NRAP: variants seen among roughly 807,000 people sequenced by gnomAD.
NRAP encodes the protein nebulin related anchoring protein, also known as nebulin-related-anchoring protein.
In NRAP, 189 loss-of-function variants were observed where a neutral mutation model predicts 225.9. The observed-to-expected ratio is 0.84, with a 90% CI of 0.74 to 0.94. NRAP has a LOEUF of 0.94. Ranked by LOEUF, NRAP falls within the 40% of genes least tolerant of loss-of-function variation. The pLI is 0.00. For missense variants in NRAP, 2,176 were observed against 2,168.7 expected, an observed-to-expected ratio of 1.00 and a Z score of -0.07; for synonymous variants, 769 against 790.7, an observed-to-expected ratio of 0.97 and a Z score of 0.46.
At chr10:113,659,636 G>A (rs933218684) in intron 3 of NRAP, among the ~76,000 whole-genome samples, 5 of 151,998 alleles carry the variant, frequency 3.3e-5, no homozygotes, top group African/African-American at 9.7e-5. Context: ...AAGCATGAAG[G>A]GCTAAATTTC....
chr10:113,661,981 C>A (rs1162350746), intron 3 of NRAP, among the ~76,000 whole-genome samples: 2 of 152,198 alleles, frequency 1.3e-5, no homozygotes, highest in Admixed American at 1.3e-4. Context: ...CTAGTATATG[C>A]AGAGCCTACT....
intron 35 of NRAP, among the ~76,000 whole-genome samples, chr10:113,602,727 G>C (rs944725372): frequency 2.6e-5 from 4 of 152,230 alleles, no homozygotes; most frequent in Non-Finnish European, 4.4e-5. Flanking sequence ...AAGGCAACCA[G>C]AATTGAGGGG....
At chr10:113,619,878 C>G (rs1254210414) in intron 25 of NRAP, among the ~76,000 whole-genome samples, 2 of 152,144 alleles carry the variant, frequency 1.3e-5, no homozygotes, top group African/African-American at 4.8e-5. Context: ...ATTCTGCTTC[C>G]TGGGGGGCTT....
chr10:113,614,419 T>C, intron 28 of NRAP, 123 bp from the exon 29 acceptor site: 1 of 708,618 alleles, frequency 1.4e-6, no homozygotes, highest in Non-Finnish European at 2.5e-6. Context: ...TAAAAGAAAA[T>C]GCGCGGGAGT....
chr10:113,624,774 G>T, intron 22 of NRAP, 52 bp downstream of exon 22: 1 of 1,292,776 alleles, frequency 7.7e-7, no homozygotes, highest in Non-Finnish European at 1.1e-6. Flanking sequence ...TTACCAGGTG[G>T]CTATACACAA....
intron 29 of NRAP, 32 bp downstream of exon 29, chr10:113,614,151 C>T: frequency 1.4e-6 from 2 of 1,439,200 alleles, no homozygotes; most frequent in Non-Finnish European, 2.0e-6. Flanking sequence ...GGTGGGGGCC[C>T]TGCAGCCGCT....
At position 113,613,019 on chromosome 10, in the gene NRAP, TA is replaced by T. The variant is rs146862124; in HGVS notation, c.3301-589del. ...ACCCATTCCAGACCATAGATTCGACTATAGTCCTTGGAGGAGCTGTGTTTAA... is the reference window on the plus strand; with the variant it reads ...ACCCATTCCAGACCATAGATTCGACTTAGTCCTTGGAGGAGCTGTGTTTAA... On this transcript the variant is annotated intron_variant, in intron 29 of 41. Coordinates refer to ENST00000359988, the MANE Select transcript of NRAP (RefSeq NM_198060.4). Among the ~76,000 whole-genome samples the T allele has an allele frequency of 9.7e-3, 1,482 of 152,312 alleles. 8 individuals carry two copies. The highest frequency in any genetic ancestry group is 0.016 in the Non-Finnish European group (1,085 of 68,034).
At chr10:113,641,344 C>A (rs1849190631) in intron 13 of NRAP, 21 bp downstream of exon 13, 5 of 1,496,660 alleles carry the variant, frequency 3.3e-6, no homozygotes, top group South Asian at 2.3e-5. Context: ...TCCCAACAGA[C>A]CCTGGCATAA....
At chr10:113,595,060 C>T (rs1420487760) in intron 38 of NRAP, among the ~76,000 whole-genome samples, 1 of 152,206 alleles carries the variant, frequency 6.6e-6, no homozygotes, top group Non-Finnish European at 1.5e-5. Context: ...TAACAACAAG[C>T]CTGGGTTTAG....
At chr10:113,633,011 G>T in intron 16 of NRAP, 73 bp downstream of exon 16, 2 of 829,094 alleles carry the variant, frequency 2.4e-6, no homozygotes, top group Non-Finnish European at 4.3e-6. Flanking sequence ...CCCACTTGCT[G>T]GACCATCCTG....
At chr10:113,606,073 A>T in intron 33 of NRAP, 105 bp downstream of exon 33, 1 of 915,106 alleles carries the variant, frequency 1.1e-6, no homozygotes, top group Non-Finnish European at 1.8e-6. Context: ...TACACATTTT[A>T]AAAAGCTTCT....
At chr10:113,659,219 C>T (rs1850509317) in intron 3 of NRAP, among the ~76,000 whole-genome samples, 2 of 152,060 alleles carry the variant, frequency 1.3e-5, no homozygotes, top group African/African-American at 4.8e-5. Flanking sequence ...AATAATACTA[C>T]CAATATTTTG....
At chr10:113,657,710 C>T in intron 3 of NRAP, 136 bp from the exon 4 acceptor site, 1 of 655,640 alleles carries the variant, frequency 1.5e-6, no homozygotes, top group Admixed American at 2.5e-5. Context: ...GCAAGGCACA[C>T]TGTGCTGTCA....
At chr10:113,656,474 T>C (rs936404650) in intron 4 of NRAP, among the ~76,000 whole-genome samples, 1 of 152,214 alleles carries the variant, frequency 6.6e-6, no homozygotes, top group African/African-American at 2.4e-5. Context: ...CGTGGGTGTG[T>C]CCTTAACCTT....
chr10:113,614,854 A>G lies in NRAP; in HGVS notation c.3171T>C (p.Gly1057=), dbSNP rs1217378957. 1 of 1,602,594 alleles carries G rather than the reference A, an allele frequency of 6.2e-7. No homozygotes were observed. The highest frequency in any genetic ancestry group is 1.7e-5 in the Admixed American group (1 of 59,968). The change falls in exon 28 of 42, where the codon GGT becomes GGC. Residue 1057 remains glycine, a synonymous_variant. Coordinates refer to ENST00000359988, the MANE Select transcript of NRAP (RefSeq NM_198060.4). ...GAATGCTCACATCACTTATGATTTC[A>G]CCAGAAGCCTTTGCTGCTTGGAATG... ...ALPFQAAKAS[G]EIISDYKYKE... is the part of the protein sequence containing the mutation.
At chr10:113,631,655 T>C (rs751010044) in intron 17 of NRAP, 45 bp from the exon 18 acceptor site, 1 of 1,339,812 alleles carries the variant, frequency 7.5e-7, no homozygotes, top group South Asian at 1.2e-5. Flanking sequence ...AGAGAAACTT[T>C]GCCGTCTAAG....
Position 113,626,061 on chromosome 10 carries a change from C to T in NRAP, c.2230G>A (p.Glu744Lys). 1 of 1,611,920 alleles carries T rather than the reference C, an allele frequency of 6.2e-7. No individual in the cohort carries two copies. The highest frequency in any genetic ancestry group is 8.5e-7 in the Non-Finnish European group (1 of 1,179,290). Residue 744 changes from glutamate to lysine, a missense_variant, in exon 21 of 42, where the codon GAG becomes AAG. Transcript: ENST00000359988. Reference protein sequence around the residue: ...SQMEHAKKSQELQSGVAYKAG... With the variant: ...SQMEHAKKSQKLQSGVAYKAG... ...CCAGGACTCACCCCGCTCTGTAGCT[C>T]CTGGCTCTTCTTGGCGTGCTCCATC...
At chr10:113,642,888 A>G (rs773797313) in intron 12 of NRAP, 46 bp downstream of exon 12, 1 of 982,188 alleles carries the variant, frequency 1.0e-6, no homozygotes, top group South Asian at 1.3e-5. Flanking sequence ...CTAAAGACTA[A>G]GCTCACCAAC....
intron 38 of NRAP, 41 bp downstream of exon 38, chr10:113,595,582 C>T: frequency 1.5e-6 from 2 of 1,297,048 alleles, no homozygotes; most frequent in Middle Eastern, 1.8e-4. Flanking sequence ...GATCATTTTA[C>T]AAAAGTGGGC....
Sources: gnomAD v4.1 joint callset for allele counts (sites outside exome capture counted in the v4.1 genomes callset) on GRCh38, gnomAD v4.1.1 for gene constraint, MANE v1.5 for transcripts, NCBI Gene and HGNC (gene_info 2026-07-23, HGNC 2026-07-21) for gene names.